Variants in POC1B observed in about 807,000 individuals in gnomAD.
The protein encoded by POC1B is POC1 centriolar protein homolog B.
Under a neutral mutation model 60.6 loss-of-function variants are expected in POC1B, and 44 were observed. The ratio of observed to expected loss-of-function variants is 0.73; its 90% CI spans 0.57 to 0.93. POC1B has a LOEUF of 0.93. Ranked by LOEUF, POC1B falls within the 40% of genes least tolerant of loss-of-function variation. POC1B has a pLI of 0.00. For missense variants in POC1B, 555 were observed against 572.3 expected, an observed-to-expected ratio of 0.97 and a Z score of 0.31; for synonymous variants, 180 against 198.9, an observed-to-expected ratio of 0.90 and a Z score of 0.80.
chr12:89,409,636 C>T, the POC1B span, among the ~76,000 whole-genome samples: 42 of 152,114 alleles, frequency 2.8e-4, no homozygotes, highest in Middle Eastern at 3.2e-3. Context: ...ACCACTGATC[C>T]GACAGAAACA....
chr12:89,439,173 G>C (rs1881406192), intron 10 of POC1B, among the ~76,000 whole-genome samples: 1 of 152,174 alleles, frequency 6.6e-6, no homozygotes, highest in African/African-American at 2.4e-5. Flanking sequence ...TCAACTGGCA[G>C]GAAGCTTGTT....
the POC1B span, among the ~76,000 whole-genome samples, chr12:89,413,004 T>C: frequency 4.0e-5 from 6 of 150,756 alleles, no homozygotes; most frequent in African/African-American, 1.5e-4. Context: ...ATTCAAGAAA[T>C]TTTCCTGCCT....
At chr12:89,525,088 C>A (rs1380429006) in intron 2 of POC1B, 32 bp downstream of exon 2, 1 of 1,613,662 alleles carries the variant, frequency 6.2e-7, no homozygotes, top group Non-Finnish European at 8.5e-7. Flanking sequence ...AGTTTAGTCT[C>A]ATTACAAAAG....
At chr12:89,455,936 A>C (rs1480135855) in intron 10 of POC1B, among the ~76,000 whole-genome samples, 2 of 152,092 alleles carry the variant, frequency 1.3e-5, no homozygotes, top group African/African-American at 4.8e-5. Flanking sequence ...AATTTTCCTA[A>C]AGATAAAAAA....
intron 4 of POC1B, among the ~76,000 whole-genome samples, chr12:89,490,790 T>G (rs1868924325): frequency 6.6e-6 from 1 of 152,192 alleles, no homozygotes; most frequent in Non-Finnish European, 1.5e-5. Flanking sequence ...CTACCAAAGA[T>G]TCTGGAGTTC....
At chr12:89,501,656 C>G in intron 2 of POC1B, 1 of 1,132,782 alleles carries the variant, frequency 8.8e-7, no homozygotes, top group Non-Finnish European at 1.3e-6. Context: ...TCAACTGTCA[C>G]GAGAAGTCGA....
chr12:89,411,085 G>C, the POC1B span, among the ~76,000 whole-genome samples: 1 of 152,108 alleles, frequency 6.6e-6, no homozygotes, highest in Non-Finnish European at 1.5e-5. Context: ...ACCTCTTCAA[G>C]GAGAACAACA....
intron 10 of POC1B, among the ~76,000 whole-genome samples, chr12:89,438,146 T>C (rs1881355125): frequency 6.6e-6 from 1 of 151,426 alleles, no homozygotes; most frequent in Non-Finnish European, 1.5e-5. Flanking sequence ...CTGGTTCGCA[T>C]CTGTATTACT....
intron 2 of POC1B, chr12:89,502,682 G>T (rs1335321900): frequency 1.6e-5 from 21 of 1,334,990 alleles, no homozygotes; most frequent in South Asian, 1.2e-4. Flanking sequence ...TGAGTTGAAG[G>T]TATATAACAC....
intron 10 of POC1B, among the ~76,000 whole-genome samples, chr12:89,433,933 A>G (rs1473278873): frequency 6.6e-6 from 1 of 152,232 alleles, no homozygotes; most frequent in Admixed American, 6.5e-5. Flanking sequence ...CTGTCACAGG[A>G]CCACAACAAA....
At chr12:89,454,019 T>C (rs1469421122) in intron 10 of POC1B, among the ~76,000 whole-genome samples, 2 of 152,130 alleles carry the variant, frequency 1.3e-5, no homozygotes, top group African/African-American at 4.8e-5. Flanking sequence ...AAAATAAAAA[T>C]CTAAATGACA....
intron 10 of POC1B, among the ~76,000 whole-genome samples, chr12:89,437,921 CCTG>C (rs1196005347): frequency 4.6e-5 from 7 of 151,792 alleles, no homozygotes; most frequent in Non-Finnish European, 1.0e-4. Flanking sequence ...GTTGGTGTGG[CCTG>C]CAGTTCCAGC....
intron 10 of POC1B, among the ~76,000 whole-genome samples, chr12:89,456,537 A>C (rs1489672141): frequency 6.6e-6 from 1 of 152,248 alleles, no homozygotes; most frequent in African/African-American, 2.4e-5. Flanking sequence ...AATAATCTTT[A>C]GAAAATTAGT....
intron 2 of POC1B, among the ~76,000 whole-genome samples, chr12:89,519,005 G>T (rs910750466): frequency 5.9e-5 from 9 of 152,186 alleles, no homozygotes; most frequent in African/African-American, 1.9e-4. Flanking sequence ...TAAAGAGGAA[G>T]AGACAGGCCA....
chr12:89,525,379 C>T (rs1298219364), intron 1 of POC1B, 175 bp from the exon 2 acceptor site: 5 of 1,401,120 alleles, frequency 3.6e-6, no homozygotes, highest in Non-Finnish European at 3.7e-6. Context: ...CCCAGTCCTG[C>T]TACAGGGAGA....
intron 2 of POC1B, chr12:89,501,636 A>C: frequency 8.3e-7 from 1 of 1,209,974 alleles, no homozygotes. Context: ...TTGTGTCTGA[A>C]GAAGTGACTT....
chr12:89,413,682 T>C, the POC1B span, among the ~76,000 whole-genome samples: 1 of 152,180 alleles, frequency 6.6e-6, no homozygotes, highest in East Asian at 1.9e-4. Flanking sequence ...CCTTACATTG[T>C]GTGGTTCAGA....
intron 2 of POC1B, chr12:89,522,988 T>C (rs972593215): frequency 1.2e-6 from 2 of 1,613,896 alleles, no homozygotes; most frequent in Non-Finnish European, 1.7e-6. Flanking sequence ...AGGGAACCCA[T>C]CTTTGGGACA....
intron 4 of POC1B, among the ~76,000 whole-genome samples, chr12:89,487,364 T>C (rs1268236419): frequency 2.0e-5 from 3 of 152,184 alleles, no homozygotes; most frequent in African/African-American, 7.2e-5. Context: ...AGTTCCACCA[T>C]CGTTTTCTTC....
Sources: gnomAD v4.1 joint callset for allele counts (sites outside exome capture counted in the v4.1 genomes callset) on GRCh38, gnomAD v4.1.1 for gene constraint, MANE v1.5 for transcripts, NCBI Gene and HGNC (gene_info 2026-07-23, HGNC 2026-07-21) for gene names.